The following BCAS2 variants were observed in gnomAD, a reference collection of about 807,000 sequenced individuals.
BCAS2 encodes pre-mRNA-splicing factor SPF27.
Under a neutral mutation model 35.3 loss-of-function variants are expected in BCAS2, and 34 were observed. The observed-to-expected ratio is 0.96, with a 90% CI of 0.73 to 1.28. The LOEUF is 1.28. Ranked by LOEUF, BCAS2 falls within the 50% of genes most tolerant of loss-of-function variation. BCAS2 has a pLI of 0.00. For missense variants in BCAS2, 221 were observed against 268.1 expected, an observed-to-expected ratio of 0.82 and a Z score of 1.23; for synonymous variants, 75 against 91.6, an observed-to-expected ratio of 0.82 and a Z score of 1.03.
chr1:114,580,511 C>T (rs978094946), intron 2 of BCAS2, among the ~76,000 whole-genome samples: 9 of 152,182 alleles, frequency 5.9e-5, no homozygotes, highest in Admixed American at 5.9e-4. Context: ...ATACCCTCCG[C>T]TATAGGTCCT....
At position 114,575,614 on chromosome 1, in the gene BCAS2, C is replaced by T. The variant is rs528255871; in HGVS notation, c.395G>A (p.Cys132Tyr). ...CTCATTGTATACTTTCCAGGCATTA[C>T]ATCCATGCTGTGACATTAGTTCCAG... The part of the protein sequence containing the change: ...ENLELMSQHG[C>Y]NAWKVYNENL... The change falls in exon 4 of 7, where the codon TGT (cysteine) becomes TAT (tyrosine). Residue 132 changes from cysteine (C) to tyrosine (Y), a missense_variant. Cys to Tyr is a radical substitution (Grantham distance 194, BLOSUM62 -2). Coordinates refer to ENST00000369541, the MANE Select transcript of BCAS2 (RefSeq NM_005872.3). 1.8e-5 allele frequency: 29 copies of T among 1,609,878 alleles called. No individual in the cohort carries two copies. The African/African-American group carries it at 3.2e-4, about 18-fold the overall frequency.
At chr1:114,568,366 CA>C in intron 6 of BCAS2, 110 bp from the exon 7 acceptor site, 1 of 1,094,196 alleles carries the variant, frequency 9.1e-7, no homozygotes. Context: ...CACTAACCTT[CA>C]CTTTTTTTTT....
chr1:114,571,860 G>A (rs1654651529), intron 4 of BCAS2, among the ~76,000 whole-genome samples: 2 of 152,114 alleles, frequency 1.3e-5, no homozygotes, highest in African/African-American at 4.8e-5. Flanking sequence ...GTCCATATTT[G>A]CATGTAACAT....
intron 6 of BCAS2, among the ~76,000 whole-genome samples, chr1:114,568,755 CTTTTTTTTT>C (rs67319421): frequency 1.2e-5 from 1 of 83,246 alleles, no homozygotes; most frequent in African/African-American, 4.5e-5. Context: ...TCTCTGTATT[CTTTTTTTTT>C]TTTTTTTTTT....
rs1039970687 is a variant in BCAS2 at position 114,570,561 on chromosome 1, T to G, written c.470+139A>C. ...CTCTACTTAGGTAGGGCAAACCCAG[T>G]GTCAGATGTTGAACAAAGAGAGTGG... On this transcript the variant is annotated intron_variant, in intron 5 of 6. Transcript: ENST00000369541. The G allele has an allele frequency of 3.3e-5, 22 of 659,020 alleles. No individual in the cohort carries two copies. In the South Asian group the frequency reaches 4.2e-4, roughly 13 times the overall value. The allele number at this position is 659,020 out of a possible 1,614,324, so 40.8% of individuals were successfully genotyped here.
At chr1:114,571,945 A>C (rs1209324170) in intron 4 of BCAS2, among the ~76,000 whole-genome samples, 1 of 152,242 alleles carries the variant, frequency 6.6e-6, no homozygotes, top group Non-Finnish European at 1.5e-5. Flanking sequence ...TCAATAATAC[A>C]GAGTACCATA....
At position 114,581,259 on chromosome 1, in the gene BCAS2, C is replaced by T. The variant is rs747657853; in HGVS notation, c.186+40G>A. 3.8e-6 allele frequency: 6 copies of T among 1,599,316 alleles called. No homozygotes were observed. The South Asian group carries it at 5.5e-5, about 15-fold the overall frequency. On this transcript the variant is annotated intron_variant, in intron 2 of 6. Coordinates refer to ENST00000369541, the MANE Select transcript of BCAS2 (RefSeq NM_005872.3). ...GCTCTCAATCCAAAATAAAGGTTCA[C>T]AGGAATTCTCGTTCACACCTAGGCT...
chr1:114,571,637 T>G (rs1288382888), intron 4 of BCAS2, among the ~76,000 whole-genome samples: 1 of 152,232 alleles, frequency 6.6e-6, no homozygotes, highest in Non-Finnish European at 1.5e-5. Flanking sequence ...GAATTACATG[T>G]GTGAGCCACA....
At chr1:114,570,268 T>TCACACACACACACACACA (rs61232118) in intron 5 of BCAS2, among the ~76,000 whole-genome samples, 196 bp from the exon 6 acceptor site, 3 of 150,528 alleles carry the variant, frequency 2.0e-5, no homozygotes, top group Non-Finnish European at 4.4e-5. Context: ...TTGTGAGAAA[T>TCACACACACACACACACA]CACACACACA....
At chr1:114,570,125 C>T in intron 5 of BCAS2, 53 bp from the exon 6 acceptor site, 1 of 1,233,948 alleles carries the variant, frequency 8.1e-7, no homozygotes, top group Non-Finnish European at 1.2e-6. Flanking sequence ...AGACCTAAAT[C>T]AACAGAAAAC....
chr1:114,575,483 C>A, intron 4 of BCAS2, 107 bp downstream of exon 4: 1 of 1,152,528 alleles, frequency 8.7e-7, no homozygotes, highest in Non-Finnish European at 1.2e-6. Flanking sequence ...GCATGAGCCA[C>A]TGCACCCAGC....
chr1:114,577,024 A>T lies in BCAS2; in HGVS notation c.187-266T>A, dbSNP rs562751721. On this transcript the variant is annotated intron_variant, in intron 2 of 6. Transcript: ENST00000369541. Reference sequence around the variant, plus strand: ...TAAACCAGTGGTTCTTAATTCCAGAAGCATATCAGAATCAGTTCGACAGTG... The same window carrying T: ...TAAACCAGTGGTTCTTAATTCCAGATGCATATCAGAATCAGTTCGACAGTG... 2.0e-4 allele frequency among the ~76,000 whole-genome samples: 31 copies of T among 152,324 alleles called. 1 individual carries two copies. Among genetic ancestry groups the T allele is most frequent in the Admixed American group, 1.1e-3 (17 of 15,298 alleles).
At chr1:114,577,237 A>G (rs1234283175) in intron 2 of BCAS2, among the ~76,000 whole-genome samples, 1 of 152,098 alleles carries the variant, frequency 6.6e-6, no homozygotes, top group East Asian at 1.9e-4. Context: ...GTGTGCCCCT[A>G]CCTTGCCATG....
chr1:114,579,958 G>T (rs1274314919), intron 2 of BCAS2, among the ~76,000 whole-genome samples: 1 of 150,396 alleles, frequency 6.6e-6, no homozygotes, highest in Non-Finnish European at 1.5e-5. Context: ...TTGAGACAGG[G>T]TCTCACTCTA....
At chr1:114,575,161 C>T (rs1165018799) in intron 4 of BCAS2, among the ~76,000 whole-genome samples, 7 of 148,036 alleles carry the variant, frequency 4.7e-5, no homozygotes, top group African/African-American at 7.5e-5. Context: ...TGTAAACCAC[C>T]GCGCCCGGCT....
rs1428444643 is a variant in BCAS2, at chr1:114,568,177, G to C, written c.631C>G (p.Gln211Glu). 1 of 1,613,584 alleles carries C rather than the reference G, an allele frequency of 6.2e-7. No homozygotes were observed. Among genetic ancestry groups the C allele is most frequent in the East Asian group, 2.2e-5 (1 of 44,864 alleles). Residue 211 changes from glutamine (Q) to glutamate (E), a missense_variant, in exon 7 of 7, where the codon CAG becomes GAG. Coordinates refer to ENST00000369541, the MANE Select transcript of BCAS2 (RefSeq NM_005872.3). ...TCTTTGTTTGCCTCTCCATGTTGCTGCTTAATTTGATAGATTTCATTTTCT... is the reference window on the plus strand; with the variant it reads ...TCTTTGTTTGCCTCTCCATGTTGCTCCTTAATTTGATAGATTTCATTTTCT... ...QLENEIYQIK[Q>E]QHGEANKENI... is the part of the protein sequence containing the mutation.
At chr1:114,570,575 CAA>C (rs1654619296) in intron 5 of BCAS2, 123 bp downstream of exon 5, 11 of 716,742 alleles carry the variant, frequency 1.5e-5, no homozygotes, top group Non-Finnish European at 4.7e-6. Context: ...AGATGTTGAA[CAA>C]AGAGAGTGGA....
chr1:114,570,645 C>T (rs1002253186), intron 5 of BCAS2, 55 bp downstream of exon 5: 68 of 1,198,416 alleles, frequency 5.7e-5, no homozygotes, highest in Non-Finnish European at 8.3e-6. Context: ...CTCCTATTTT[C>T]TATTTATTAA....
chr1:114,577,379 T>TTA (rs1259017306), intron 2 of BCAS2, among the ~76,000 whole-genome samples: 13 of 151,374 alleles, frequency 8.6e-5, no homozygotes, highest in South Asian at 4.2e-4. Flanking sequence ...ATTTATTTAT[T>TTA]TTTTTTTTGT....
Sources: allele counts gnomAD v4.1 joint callset (sites outside exome capture counted in the v4.1 genomes callset), GRCh38; gene constraint gnomAD v4.1.1; transcripts MANE v1.5; gene names NCBI Gene and HGNC (gene_info 2026-07-23, HGNC 2026-07-21).